Variants in MDGA2 observed in about 807,000 individuals in gnomAD.
MDGA2 encodes MAM domain-containing glycosylphosphatidylinositol anchor protein 2.
MDGA2 carries 40 observed loss-of-function variants against 117.8 expected under a neutral mutation model. The observed-to-expected ratio is 0.34, with a 90% confidence interval of 0.26 to 0.44. The LOEUF (loss-of-function observed/expected upper bound fraction) is 0.44. MDGA2 is among the 20% of genes least tolerant of loss of function. The pLI is 1.00. For synonymous variants in MDGA2, 452 were observed against 439.0 expected (o/e 1.03, Z -0.37); for missense variants, 1,123 against 1,250.6 (o/e 0.90, Z 1.54).
intron 1 of MDGA2, among the ~76,000 whole-genome samples, chr14:47,630,574 A>G (rs1172512311): frequency 6.6e-6 from 1 of 152,212 alleles, no homozygotes; most frequent in East Asian, 1.9e-4. Context: ...CTTTCTGGAA[A>G]GAATCCTATA....
At chr14:47,004,173 T>G (rs988876631) in intron 8 of MDGA2, among the ~76,000 whole-genome samples, 1 of 151,882 alleles carries the variant, frequency 6.6e-6, no homozygotes, top group African/African-American at 2.4e-5. Flanking sequence ...TATGGATAAC[T>G]AATAATTACA....
intron 1 of MDGA2, among the ~76,000 whole-genome samples, chr14:47,639,838 A>T (rs541337989): frequency 6.6e-6 from 1 of 152,282 alleles, no homozygotes; most frequent in East Asian, 1.9e-4. Flanking sequence ...CTGCCTGGAC[A>T]ATCTCAAATA....
intron 1 of MDGA2, among the ~76,000 whole-genome samples, chr14:47,312,918 A>ATG (rs965982555): frequency 3.7e-5 from 4 of 107,622 alleles, no homozygotes; most frequent in African/African-American, 1.5e-4. Flanking sequence ...AAATTTAATT[A>ATG]TATATATACA....
At chr14:47,257,388 T>C (rs1314097739) in intron 2 of MDGA2, among the ~76,000 whole-genome samples, 1 of 152,166 alleles carries the variant, frequency 6.6e-6, no homozygotes, top group Non-Finnish European at 1.5e-5. Context: ...CTTTAGATTT[T>C]TGCTCAAATA....
intron 1 of MDGA2, among the ~76,000 whole-genome samples, chr14:47,394,052 C>T (rs1181627151): frequency 1.3e-5 from 2 of 152,026 alleles, no homozygotes; most frequent in Non-Finnish European, 1.5e-5. Flanking sequence ...TTCTGGCTCC[C>T]TTTTTTCCCC....
chr14:47,162,089 G>C (rs998196396), intron 3 of MDGA2, among the ~76,000 whole-genome samples: 1 of 151,598 alleles, frequency 6.6e-6, no homozygotes, highest in South Asian at 2.1e-4. Context: ...GGGACTACAG[G>C]TGCTTGCCAC....
intron 2 of MDGA2, among the ~76,000 whole-genome samples, chr14:47,265,149 T>C (rs776349208): frequency 6.6e-6 from 1 of 152,136 alleles, no homozygotes; most frequent in Non-Finnish European, 1.5e-5. Context: ...AATGCAGAGT[T>C]AGGAAGAGAT....
intron 1 of MDGA2, among the ~76,000 whole-genome samples, chr14:47,381,868 A>T (rs1349154869): frequency 1.3e-5 from 2 of 152,094 alleles, no homozygotes; most frequent in Non-Finnish European, 2.9e-5. Flanking sequence ...CTACTTTAAA[A>T]TTCATATGGA....
chr14:47,425,406 T>G (rs1176013543), intron 1 of MDGA2, among the ~76,000 whole-genome samples: 2 of 152,098 alleles, frequency 1.3e-5, no homozygotes, highest in Non-Finnish European at 2.9e-5. Flanking sequence ...CACAAAATAA[T>G]AGCATCCATT....
chr14:47,575,669 A>G (rs1896102714), intron 1 of MDGA2, among the ~76,000 whole-genome samples: 1 of 152,186 alleles, frequency 6.6e-6, no homozygotes, highest in Non-Finnish European at 1.5e-5. Context: ...TGTTTAGGGA[A>G]CATGTGTGTG....
intron 10 of MDGA2, among the ~76,000 whole-genome samples, chr14:46,903,877 A>G (rs1170133867): frequency 1.3e-5 from 2 of 152,192 alleles, no homozygotes; most frequent in Non-Finnish European, 2.9e-5. Flanking sequence ...TGAATACCTT[A>G]ATATATAACA....
At chr14:47,445,317 G>A (rs1458901777) in intron 1 of MDGA2, among the ~76,000 whole-genome samples, 1 of 152,086 alleles carries the variant, frequency 6.6e-6, no homozygotes, top group Non-Finnish European at 1.5e-5. Context: ...CAGCAAGATC[G>A]TGGAAAAATG....
At chr14:47,122,533 T>C (rs1881706194) in intron 5 of MDGA2, among the ~76,000 whole-genome samples, 1 of 152,088 alleles carries the variant, frequency 6.6e-6, no homozygotes, top group Admixed American at 6.6e-5. Flanking sequence ...TCGGAGTGAA[T>C]AAGTAATATG....
intron 6 of MDGA2, among the ~76,000 whole-genome samples, chr14:47,072,965 A>C (rs556259092): frequency 6.6e-6 from 1 of 151,940 alleles, no homozygotes; most frequent in Admixed American, 6.5e-5. Flanking sequence ...TATCAATAAC[A>C]AAAGAGTCTA....
chr14:47,551,307 A>C (rs1357038811), intron 1 of MDGA2, among the ~76,000 whole-genome samples: 1 of 152,132 alleles, frequency 6.6e-6, no homozygotes, highest in Non-Finnish European at 1.5e-5. Flanking sequence ...ATTTCTGATG[A>C]CCAGCTCAGA....
At chr14:47,175,785 G>A (rs1171864939) in intron 3 of MDGA2, among the ~76,000 whole-genome samples, 2 of 146,504 alleles carry the variant, frequency 1.4e-5, no homozygotes, top group Admixed American at 6.9e-5. Flanking sequence ...ACATAGTGTT[G>A]GAAGTTCTGG....
intron 9 of MDGA2, among the ~76,000 whole-genome samples, chr14:46,943,898 A>G (rs1398366767): frequency 6.6e-6 from 1 of 152,098 alleles, no homozygotes; most frequent in African/African-American, 2.4e-5. Flanking sequence ...GACAATACAT[A>G]AACAAATCAG....
intron 1 of MDGA2, among the ~76,000 whole-genome samples, chr14:47,607,998 A>T (rs1301626924): frequency 1.3e-5 from 2 of 152,150 alleles, no homozygotes; most frequent in African/African-American, 4.8e-5. Flanking sequence ...CTAATAATAA[A>T]AAATACAAAG....
intron 1 of MDGA2, among the ~76,000 whole-genome samples, chr14:47,662,749 G>A (rs1239689945): frequency 6.6e-6 from 1 of 152,110 alleles, no homozygotes; most frequent in Non-Finnish European, 1.5e-5. Flanking sequence ...TCCACTGGGA[G>A]TTATTCTAGT....
Sources: gnomAD v4.1 joint callset for allele counts (sites outside exome capture counted in the v4.1 genomes callset) on GRCh38, gnomAD v4.1.1 for gene constraint, MANE v1.5 for transcripts, NCBI Gene and HGNC (gene_info 2026-07-23, HGNC 2026-07-21) for gene names.